The following UPF2 variants were observed in gnomAD, a reference collection of about 807,000 sequenced individuals.
UPF2 encodes UPF2 regulator of nonsense mediated mRNA decay, also known as regulator of nonsense transcripts 2.
UPF2 carries 17 observed loss-of-function variants against 141.4 expected under a neutral mutation model. That is an observed-to-expected ratio of 0.12 (90% CI 0.08 to 0.18). The LOEUF is 0.18. Ranked by LOEUF, UPF2 falls within the 10% of genes least tolerant of loss-of-function variation. The pLI is 1.00. For missense variants in UPF2, 1,152 were observed against 1,515.9 expected, an observed-to-expected ratio of 0.76 and a Z score of 3.99; for synonymous variants, 540 against 498.0, an observed-to-expected ratio of 1.08 and a Z score of -1.12.
intron 2 of UPF2, among the ~76,000 whole-genome samples, chr10:12,034,563 G>GC (rs958392050): frequency 4.0e-4 from 11 of 27,328 alleles, no homozygotes; most frequent in Non-Finnish European, 5.7e-4. Context: ...CCAGCACTTT[G>GC]GGGAGGCTGA....
chr10:11,994,102 A>G (rs1188146301), intron 8 of UPF2, among the ~76,000 whole-genome samples: 1 of 152,212 alleles, frequency 6.6e-6, no homozygotes, highest in African/African-American at 2.4e-5. Context: ...AGAAATTAAT[A>G]AAGAACAAAG....
In UPF2 at chr10:12,019,425, T is replaced by C. The variant is rs1173055406; in HGVS notation, c.1146-5241A>G. ...TAAAAACCATTCTTAGGTGACAGGC[T>C]GTAGAAAAACTAGTCATAGGCTTAA... On this transcript the variant is annotated intron_variant, in intron 3 of 21. Transcript: ENST00000357604. The surrounding 1 kb of genome is among the most constrained non-coding windows in gnomAD (Gnocchi z 4.5). 2.0e-5 allele frequency among the ~76,000 whole-genome samples: 3 copies of C among 152,390 alleles called. No homozygotes were observed. The highest frequency in any genetic ancestry group is 2.9e-5 in the Non-Finnish European group (2 of 68,046).
chr10:11,999,309 C>T (rs1265282049), intron 7 of UPF2, among the ~76,000 whole-genome samples: 3 of 151,790 alleles, frequency 2.0e-5, no homozygotes, highest in Admixed American at 6.6e-5. Context: ...GTCAGGAGTT[C>T]GAGACCAGCC....
chr10:11,978,982 C>A (rs11257462), intron 9 of UPF2, 75 bp downstream of exon 9: 157,571 of 1,204,266 alleles, frequency 0.13, 11,636 homozygotes, highest in South Asian at 0.26. Context: ...TGCTTACCAA[C>A]AATTACATTC....
At chr10:12,037,458 T>A (rs1701477) in intron 1 of UPF2, among the ~76,000 whole-genome samples, 1 of 147,910 alleles carries the variant, frequency 6.8e-6, no homozygotes, top group Non-Finnish European at 1.5e-5. Context: ...TGCAGTGGTG[T>A]GATCTCGGCT....
Position 11,935,756 on chromosome 10 carries a change from C to G in UPF2, c.3546+789G>C, listed in dbSNP as rs1207140424. Among the ~76,000 whole-genome samples, 3 of 152,164 alleles carry G rather than the reference C, an allele frequency of 2.0e-5. No individual in the cohort carries two copies. The highest frequency in any genetic ancestry group is 4.4e-5 in the Non-Finnish European group (3 of 68,022). ...ATTGTTCTGTTTATCACTGTAGCCT[C>G]AGGACCTGAAATAGAATAGTACCTG... On this transcript the variant is annotated intron_variant, in intron 19 of 21. Coordinates refer to ENST00000357604, the MANE Select transcript of UPF2 (RefSeq NM_015542.4). The surrounding 1 kb of genome is among the most constrained non-coding windows in gnomAD (Gnocchi z 4.9).
At chr10:11,929,566 G>A (rs1832756419) in intron 21 of UPF2, among the ~76,000 whole-genome samples, 1 of 152,004 alleles carries the variant, frequency 6.6e-6, no homozygotes, top group African/African-American at 2.4e-5. Context: ...GAGCCCAGGA[G>A]GGTGAGGCTG....
At chr10:11,996,793 A>G (rs1390789662) in intron 8 of UPF2, among the ~76,000 whole-genome samples, 2 of 152,202 alleles carry the variant, frequency 1.3e-5, no homozygotes, top group African/African-American at 4.8e-5. Context: ...AAAAACTAAT[A>G]TGAAAGAAAA....
Position 11,983,562 on chromosome 10 carries a change from C to T in UPF2, c.1845-4397G>A, listed in dbSNP as rs566512364. ...TAATTTTTTGTATTTTTAGTAGAGA[C>T]GGGGTTTCACTGTATTAGCCAGGAT... On this transcript the variant is annotated intron_variant, in intron 8 of 21. Transcript: ENST00000357604. Among the ~76,000 whole-genome samples the T allele has an allele frequency of 7.9e-5, 12 of 152,130 alleles. No individual in the cohort carries two copies. The East Asian group carries it at 1.2e-3, about 15-fold the overall frequency.
At chr10:11,999,236 G>T (rs1252903783) in intron 7 of UPF2, among the ~76,000 whole-genome samples, 1 of 152,012 alleles carries the variant, frequency 6.6e-6, no homozygotes, top group Non-Finnish European at 1.5e-5. Flanking sequence ...AACATCGGCC[G>T]GGTATGGTGG....
Position 11,935,848 on chromosome 10 carries a change from G to A in UPF2, c.3546+697C>T, listed in dbSNP as rs1832842702. Among the ~76,000 whole-genome samples, 1 of 152,082 alleles carries A rather than the reference G, an allele frequency of 6.6e-6. No homozygotes were observed. Among genetic ancestry groups the A allele is most frequent in the African/African-American group, 2.4e-5 (1 of 41,410 alleles). On this transcript the variant is annotated intron_variant, in intron 19 of 21. Coordinates refer to ENST00000357604, the MANE Select transcript of UPF2 (RefSeq NM_015542.4). The surrounding 1 kb of genome is among the most constrained non-coding windows in gnomAD (Gnocchi z 4.9). ...CGCTAGAGTAACAGCTTGGTAGAGGGGGAAACGGTTTTGAGGGACCATCTT... is the reference window on the plus strand; with the variant it reads ...CGCTAGAGTAACAGCTTGGTAGAGGAGGAAACGGTTTTGAGGGACCATCTT...
chr10:11,991,049 T>TA (rs1396312796), intron 8 of UPF2, among the ~76,000 whole-genome samples: 1 of 148,894 alleles, frequency 6.7e-6, no homozygotes, highest in Non-Finnish European at 1.5e-5. Context: ...TAACTCATGA[T>TA]ACGTAATAAA....
Position 11,936,803 on chromosome 10 carries a change from T to G in UPF2, c.3379-91A>C, listed in dbSNP as rs1832857135. 8.1e-7 allele frequency: 1 copy of G among 1,232,864 alleles called. No homozygotes were observed. Among genetic ancestry groups the G allele is most frequent in the East Asian group, 2.7e-5 (1 of 36,966 alleles). The allele number at this position is 1,232,864 out of a possible 1,614,324, so 76.4% of individuals were successfully genotyped here. A position where few individuals can be genotyped will look rare whatever the true frequency, so the allele number is the denominator to read the frequency against. ...TTGCAAACTCATTCAATGCTGTATT[T>G]CTTAAAACACAACAATCATAAGAGC... On this transcript the variant is annotated intron_variant, in intron 18 of 21. Transcript: ENST00000357604. The surrounding 1 kb of genome is among the most constrained non-coding windows in gnomAD (Gnocchi z 6.6).
intron 3 of UPF2, among the ~76,000 whole-genome samples, chr10:12,024,860 G>C (rs1262250554): frequency 6.8e-6 from 1 of 147,278 alleles, no homozygotes; most frequent in Non-Finnish European, 1.5e-5. Context: ...TTAAGCCCCA[G>C]GAGGTCAAGG....
intron 8 of UPF2, among the ~76,000 whole-genome samples, chr10:11,985,160 A>G (rs1173572857): frequency 6.6e-6 from 1 of 152,236 alleles, no homozygotes; most frequent in Non-Finnish European, 1.5e-5. Flanking sequence ...ATGGAAGTAA[A>G]GTTAGATACT....
intron 8 of UPF2, among the ~76,000 whole-genome samples, chr10:11,981,611 C>T (rs1365253476): frequency 6.6e-6 from 1 of 152,178 alleles, no homozygotes; most frequent in African/African-American, 2.4e-5. Context: ...GCTGCTGTCA[C>T]ATGGAAAATG....
chr10:12,002,197 G>C (rs999368927), intron 5 of UPF2, among the ~76,000 whole-genome samples: 1 of 152,162 alleles, frequency 6.6e-6, no homozygotes, highest in African/African-American at 2.4e-5. Flanking sequence ...CTTGAACCCA[G>C]GAGGTGGAGA....
chr10:12,033,081 A>G (rs1361076790), intron 2 of UPF2, among the ~76,000 whole-genome samples: 1 of 152,216 alleles, frequency 6.6e-6, no homozygotes, highest in Non-Finnish European at 1.5e-5. Context: ...AGAGATCTAT[A>G]CAAAATCGTG....
At chr10:11,963,886 T>C (rs1833278059) in intron 11 of UPF2, 123 bp downstream of exon 11, 4 of 666,782 alleles carry the variant, frequency 6.0e-6, no homozygotes, top group Non-Finnish European at 5.0e-6. Flanking sequence ...TGTTCCACTT[T>C]AAGTAGAAAT....
Sources: allele counts gnomAD v4.1 joint callset (sites outside exome capture counted in the v4.1 genomes callset), GRCh38; gene constraint gnomAD v4.1.1; non-coding constraint Gnocchi (gnomAD v3.1); transcripts MANE v1.5; gene names NCBI Gene and HGNC (gene_info 2026-07-23, HGNC 2026-07-21).